RSU1: variants seen among roughly 807,000 people sequenced by gnomAD.
RSU1 encodes the protein Ras suppressor protein 1, also known as rsu-1.
In RSU1, 26 loss-of-function variants were observed where a neutral mutation model predicts 31.1. The observed-to-expected ratio is 0.84, with a 90% CI of 0.61 to 1.16. The LOEUF (loss-of-function observed/expected upper bound fraction) is 1.16. RSU1 is among the 50% of genes most tolerant of loss of function. RSU1 has a pLI of 0.00. For missense variants in RSU1, 320 were observed against 339.1 expected, an observed-to-expected ratio of 0.94 and a Z score of 0.44; for synonymous variants, 164 against 136.3, an observed-to-expected ratio of 1.20 and a Z score of -1.41.
chr10:16,795,365 A>C (rs1382567648), intron 2 of RSU1, among the ~76,000 whole-genome samples: 2 of 151,798 alleles, frequency 1.3e-5, no homozygotes, highest in African/African-American at 2.4e-5. Context: ...AAAAAAAAAA[A>C]AAAAAAAAAT....
intron 8 of RSU1, among the ~76,000 whole-genome samples, chr10:16,627,565 C>A (rs1353891291): frequency 6.6e-6 from 1 of 151,906 alleles, no homozygotes; most frequent in African/African-American, 2.4e-5. Flanking sequence ...ACCAGCCTAA[C>A]CAAAATGGTG....
intron 8 of RSU1, among the ~76,000 whole-genome samples, chr10:16,660,465 C>A (rs1834867223): frequency 6.6e-6 from 1 of 152,070 alleles, no homozygotes; most frequent in African/African-American, 2.4e-5. Context: ...AAACCTTTCC[C>A]AATTCTTAAC....
intron 8 of RSU1, among the ~76,000 whole-genome samples, chr10:16,685,117 G>A (rs1264008650): frequency 6.6e-6 from 1 of 152,280 alleles, no homozygotes; most frequent in South Asian, 2.1e-4. Context: ...GGGCATGGTA[G>A]TGTGTGCCTG....
chr10:16,735,019 A>G (rs1836595214), intron 7 of RSU1, among the ~76,000 whole-genome samples: 1 of 152,060 alleles, frequency 6.6e-6, no homozygotes, highest in Non-Finnish European at 1.5e-5. Flanking sequence ...ATTCCCTTAA[A>G]CCCTCAGAAG....
rs537920847 is a variant in RSU1 at position 16,640,628 on chromosome 10, C to T, written c.732-47132G>A. On this transcript the variant is annotated intron_variant, in intron 8 of 8. Coordinates refer to ENST00000345264, the MANE Select transcript of RSU1 (RefSeq NM_012425.4). ...TAGTCAATTTCTCAAATGGGCCTTA[C>T]CCCCTGCTGCCACAGGGCCTTCGCA... Among the ~76,000 whole-genome samples the T allele has an allele frequency of 7.2e-5, 11 of 152,364 alleles. No homozygotes were observed. The South Asian group carries it at 2.3e-3, about 32-fold the overall frequency.
chr10:16,647,431 A>T (rs971656994), intron 8 of RSU1, among the ~76,000 whole-genome samples: 2 of 152,256 alleles, frequency 1.3e-5, no homozygotes, highest in Admixed American at 6.5e-5. Context: ...ACGTATGTCC[A>T]TGCAAAAACT....
chr10:16,687,789 G>C (rs1041476299), intron 8 of RSU1, among the ~76,000 whole-genome samples: 2 of 152,040 alleles, frequency 1.3e-5, no homozygotes, highest in Admixed American at 1.3e-4. Context: ...GTGTGATCTT[G>C]GCTCATTGCA....
At chr10:16,807,575 A>G (rs1303079546) in intron 2 of RSU1, among the ~76,000 whole-genome samples, 2 of 152,218 alleles carry the variant, frequency 1.3e-5, no homozygotes, top group Admixed American at 1.3e-4. Context: ...AACCATAAAG[A>G]AAGTGGGGAG....
intron 8 of RSU1, among the ~76,000 whole-genome samples, chr10:16,614,325 T>C (rs1158798216): frequency 1.3e-5 from 2 of 151,482 alleles, no homozygotes; most frequent in Middle Eastern, 3.2e-3. Flanking sequence ...ATTGAACTCA[T>C]GGAGATAGAG....
intron 8 of RSU1, among the ~76,000 whole-genome samples, chr10:16,596,608 A>C (rs1472131316): frequency 6.6e-6 from 1 of 152,198 alleles, no homozygotes; most frequent in East Asian, 1.9e-4. Context: ...AGCTACACAC[A>C]CAGCTTCCTT....
chr10:16,789,977 T>C (rs1438452278), intron 2 of RSU1, among the ~76,000 whole-genome samples: 2 of 152,164 alleles, frequency 1.3e-5, no homozygotes, highest in Non-Finnish European at 2.9e-5. Flanking sequence ...AGGAATGTTA[T>C]TTAGGTGAAC....
At chr10:16,708,278 G>A (rs974269812) in intron 7 of RSU1, among the ~76,000 whole-genome samples, 5 of 152,212 alleles carry the variant, frequency 3.3e-5, no homozygotes, top group South Asian at 4.1e-4. Context: ...TAGAGAAAAT[G>A]TCATTAAGAA....
chr10:16,636,433 C>T, intron 8 of RSU1, among the ~76,000 whole-genome samples: 1 of 152,218 alleles, frequency 6.6e-6, no homozygotes, highest in Non-Finnish European at 1.5e-5. Context: ...CGAATAAATA[C>T]CTAGCATTTT....
At chr10:16,649,890 C>G (rs1034171841) in intron 8 of RSU1, among the ~76,000 whole-genome samples, 1 of 152,156 alleles carries the variant, frequency 6.6e-6, no homozygotes, top group Non-Finnish European at 1.5e-5. Flanking sequence ...CTGTGAAAAA[C>G]CAGGCCCTAA....
rs527965707 is a variant in RSU1 at position 16,612,113 on chromosome 10, C to A, written c.732-18617G>T. 2.0e-5 allele frequency among the ~76,000 whole-genome samples: 3 copies of A among 152,298 alleles called. No homozygotes were observed. In the South Asian group the frequency reaches 6.2e-4, roughly 32 times the overall value. On this transcript the variant is annotated intron_variant, in intron 8 of 8. Coordinates refer to ENST00000345264, the MANE Select transcript of RSU1 (RefSeq NM_012425.4). ...AGGTGCTCAATAAACCAAGGCAATG[C>A]CACACTACGCTCAGAACTGGGGTTG... is the stretch of plus-strand genomic sequence containing the variant.
chr10:16,782,445 G>A (rs891738864), intron 2 of RSU1, among the ~76,000 whole-genome samples: 7 of 152,132 alleles, frequency 4.6e-5, no homozygotes, highest in Non-Finnish European at 8.8e-5. Flanking sequence ...AGGGGGCAGA[G>A]GTGCACAGGG....
At chr10:16,806,151 G>A (rs1399891148) in intron 2 of RSU1, among the ~76,000 whole-genome samples, 1 of 152,150 alleles carries the variant, frequency 6.6e-6, no homozygotes, top group Admixed American at 6.5e-5. Context: ...GAAGATGAAG[G>A]TTCCTGTTTC....
At position 16,800,165 on chromosome 10, in the gene RSU1, C is replaced by T. The variant is rs190970859; in HGVS notation, c.109+16808G>A. ...AGCCTATTTACCTCAGTTCCTTTTACCCAATGCATCATGTCTGGCTTACAA... is the reference window on the plus strand; with the variant it reads ...AGCCTATTTACCTCAGTTCCTTTTATCCAATGCATCATGTCTGGCTTACAA... On this transcript the variant is annotated intron_variant, in intron 2 of 8. Coordinates refer to ENST00000345264, the MANE Select transcript of RSU1 (RefSeq NM_012425.4). 5.3e-5 allele frequency among the ~76,000 whole-genome samples: 8 copies of T among 152,232 alleles called. No individual in the cohort carries two copies. In the East Asian group the frequency reaches 9.7e-4, roughly 18 times the overall value.
intron 4 of RSU1, among the ~76,000 whole-genome samples, chr10:16,757,773 T>A (rs1398497255): frequency 1.3e-5 from 2 of 152,170 alleles, no homozygotes; most frequent in Non-Finnish European, 1.5e-5. Flanking sequence ...CTGAGAAGAA[T>A]TGCAAGTCAA....
Sources: allele counts gnomAD v4.1 joint callset (sites outside exome capture counted in the v4.1 genomes callset), GRCh38; gene constraint gnomAD v4.1.1; transcripts MANE v1.5; gene names NCBI Gene and HGNC (gene_info 2026-07-23, HGNC 2026-07-21).